Variants in GLI2 observed in about 807,000 individuals in gnomAD.
The protein encoded by GLI2 is transcription activator GLI2.
GLI2 carries 22 observed loss-of-function variants against 78.9 expected under a neutral mutation model. That is an observed-to-expected ratio of 0.28 (90% CI 0.20 to 0.40). The LOEUF is 0.40. Ranked by LOEUF, GLI2 falls within the 10% of genes least tolerant of loss-of-function variation. The pLI is 1.00. For missense variants in GLI2, 2,097 were observed against 2,213.2 expected (o/e 0.95, Z 1.05); for synonymous variants, 974 against 963.7 (o/e 1.01, Z -0.20).
chr2:120,975,840 C>A (rs1391760057), intron 9 of GLI2, among the ~76,000 whole-genome samples: 3 of 152,224 alleles, frequency 2.0e-5, no homozygotes, highest in Non-Finnish European at 4.4e-5. Flanking sequence ...CTGTCCCCAC[C>A]ACAACCAGCT....
chr2:120,866,902 A>G (rs939893650), intron 2 of GLI2: 2 of 152,234 alleles, frequency 1.3e-5, no homozygotes, highest in African/African-American at 2.4e-5. Context: ...AGATCCCCCC[A>G]TGACCCCTGT....
chr2:120,815,853 G>A (rs1198852435), intron 2 of GLI2, among the ~76,000 whole-genome samples: 1 of 152,202 alleles, frequency 6.6e-6, no homozygotes, highest in East Asian at 1.9e-4. Context: ...AGTGGCATTG[G>A]CGATCTGAGG....
chr2:120,974,776 ATGAGT>A, intron 8 of GLI2, 194 bp from the exon 9 acceptor site: 2 of 709,372 alleles, frequency 2.8e-6, no homozygotes, highest in African/African-American at 2.1e-5. Flanking sequence ...AAAAAGGCTG[ATGAGT>A]GTGTGTGTGT....
At chr2:120,894,082 A>T (rs1030592583) in intron 2 of GLI2, among the ~76,000 whole-genome samples, 1 of 152,140 alleles carries the variant, frequency 6.6e-6, no homozygotes, top group Non-Finnish European at 1.5e-5. Flanking sequence ...TATTGTGGGG[A>T]CAGTCGGGTC....
Position 120,990,934 on chromosome 2 carries a change from C to A in GLI2, c.*259C>A. ...GCAAAACTCATTTACACAGTGCTTT[C>A]CAGCCTTTGGTGCTTACAGGACCGC... On this transcript the variant is annotated 3_prime_UTR_variant, in exon 14 of 14. Coordinates refer to ENST00000361492, the MANE Select transcript of GLI2 (RefSeq NM_001374353.1). 1 of 516,442 alleles carries A rather than the reference C, an allele frequency of 1.9e-6. No individual in the cohort carries two copies. The highest frequency in any genetic ancestry group is 3.4e-6 in the Non-Finnish European group (1 of 290,666). The allele number at this position is 516,442 out of a possible 1,614,324, so 32.0% of individuals were successfully genotyped here.
chr2:120,915,353 T>A (rs1021578760), intron 2 of GLI2, among the ~76,000 whole-genome samples: 1 of 152,230 alleles, frequency 6.6e-6, no homozygotes, highest in African/African-American at 2.4e-5. Flanking sequence ...TGGAATTTCC[T>A]GTCTGATTTT....
chr2:120,882,365 C>T (rs759326672), intron 2 of GLI2, among the ~76,000 whole-genome samples: 6 of 152,196 alleles, frequency 3.9e-5, no homozygotes, highest in East Asian at 1.9e-4. Flanking sequence ...GGAGGGCGCC[C>T]GCTGCAGGCG....
At chr2:120,802,299 C>G (rs1684744000) in intron 2 of GLI2, among the ~76,000 whole-genome samples, 2 of 152,272 alleles carry the variant, frequency 1.3e-5, no homozygotes, top group East Asian at 3.9e-4. Context: ...CGAGCTGGAC[C>G]AAAGGAAAAA....
intron 4 of GLI2, among the ~76,000 whole-genome samples, chr2:120,954,331 A>C (rs1484633661): frequency 6.6e-6 from 1 of 152,160 alleles, no homozygotes; most frequent in Non-Finnish European, 1.5e-5. Flanking sequence ...AACTTGAGGC[A>C]TGGACAGGGG....
intron 2 of GLI2, among the ~76,000 whole-genome samples, chr2:120,803,869 C>G (rs1299997191): frequency 6.6e-6 from 1 of 152,188 alleles, no homozygotes; most frequent in Non-Finnish European, 1.5e-5. Context: ...GAACAAGATC[C>G]CTTGGAGTAT....
intron 2 of GLI2, among the ~76,000 whole-genome samples, chr2:120,896,687 A>G (rs2104767488): frequency 1.6e-5 from 2 of 122,852 alleles, no homozygotes; most frequent in Middle Eastern, 4.3e-3. Context: ...ACACACTCAC[A>G]CACACCCATA....
At chr2:120,935,097 C>G (rs1680131180) in intron 3 of GLI2, among the ~76,000 whole-genome samples, 2 of 152,310 alleles carry the variant, frequency 1.3e-5, no homozygotes, top group East Asian at 1.9e-4. Flanking sequence ...TTGGGAAGAA[C>G]CTTCTCCTCC....
intron 2 of GLI2, 39 bp from the exon 3 acceptor site, chr2:120,927,322 A>G: frequency 7.0e-7 from 1 of 1,423,120 alleles, no homozygotes. Context: ...AGGGAGGGGG[A>G]AAGTTTTTGA....
At chr2:120,912,668 G>A (rs1225586657) in intron 2 of GLI2, among the ~76,000 whole-genome samples, 3 of 152,182 alleles carry the variant, frequency 2.0e-5, no homozygotes, top group Admixed American at 2.0e-4. Context: ...CTTGCCCGGT[G>A]TTTCTCCACG....
chr2:120,831,853 G>A (rs537029021), intron 2 of GLI2, among the ~76,000 whole-genome samples: 21 of 152,214 alleles, frequency 1.4e-4, no homozygotes, highest in Non-Finnish European at 3.1e-4. Flanking sequence ...AAGTACCTGC[G>A]TGGAGTAAGG....
intron 10 of GLI2, among the ~76,000 whole-genome samples, chr2:120,980,851 CTT>C (rs974268888): frequency 2.0e-5 from 3 of 151,762 alleles, no homozygotes; most frequent in African/African-American, 7.3e-5. Flanking sequence ...TAATATAGCT[CTT>C]CCATTGAGGT....
At position 120,989,477 on chromosome 2, in the gene GLI2, C is replaced by T. The variant is rs145212051; in HGVS notation, c.3512C>T (p.Pro1171Leu). The T allele has an allele frequency of 2.7e-5, 43 of 1,612,966 alleles. No individual in the cohort carries two copies. The highest frequency in any genetic ancestry group is 1.7e-4 in the African/African-American group (13 of 74,952). ...PAFGQYPGYSPQGLQASPGGL... is the reference protein window; with the variant it reads ...PAFGQYPGYSLQGLQASPGGL... ...TTTGGCCAGTACCCGGGCTACAGTC[C>T]GCAAGGCCTACAGGCTAGCCCTGGG... The change falls in exon 14 of 14, where the codon CCG becomes CTG. Residue 1171 changes from proline (P) to leucine (L), a missense_variant. Physicochemically the swap from Pro to Leu is moderately conservative, Grantham distance 98 (BLOSUM62 -3). Around this residue, in one of 5 missense-constraint regions of GLI2, gnomAD observed 1,290 missense variants for 1,261.7 expected, o/e 1.02. Coordinates refer to ENST00000361492, the MANE Select transcript of GLI2 (RefSeq NM_001374353.1).
chr2:120,936,889 G>C (rs1238574449), intron 3 of GLI2, among the ~76,000 whole-genome samples: 1 of 152,198 alleles, frequency 6.6e-6, no homozygotes, highest in African/African-American at 2.4e-5. Flanking sequence ...GTTGCTGAGG[G>C]AAAATGTGAG....
intron 1 of GLI2, among the ~76,000 whole-genome samples, chr2:120,791,462 G>C (rs947703691): frequency 2.0e-5 from 3 of 152,348 alleles, no homozygotes; most frequent in Admixed American, 2.0e-4. Flanking sequence ...CCGTGAGTCG[G>C]CTGCTTCCCT....
Sources: gnomAD v4.1 joint callset for allele counts (sites outside exome capture counted in the v4.1 genomes callset) on GRCh38, gnomAD v4.1.1 for gene constraint, gnomAD v4.1.1 regional missense constraint, MANE v1.5 for transcripts, NCBI Gene and HGNC (gene_info 2026-07-23, HGNC 2026-07-21) for gene names.